RBM28: variants seen among roughly 807,000 people sequenced by gnomAD.
RBM28 encodes the protein RNA-binding protein 28.
In RBM28, 78 loss-of-function variants were observed where a neutral mutation model predicts 98.3. The ratio of observed to expected loss-of-function variants is 0.79; its 90% CI spans 0.66 to 0.96. The LOEUF is 0.96. Ranked by LOEUF, RBM28 falls within the 40% of genes least tolerant of loss-of-function variation. The pLI is 0.00. For synonymous variants in RBM28, 306 were observed against 330.9 expected (o/e 0.92, Z 0.82); for missense variants, 838 against 913.0 (o/e 0.92, Z 1.06).
At chr7:128,342,273 TA>T (rs1301096670) in intron 1 of RBM28, among the ~76,000 whole-genome samples, 1 of 152,242 alleles carries the variant, frequency 6.6e-6, no homozygotes, top group Admixed American at 6.5e-5. Flanking sequence ...GTCCCTATTT[TA>T]AGTACATAAG....
At position 128,297,834 on chromosome 7, in the gene RBM28, G is replaced by A. The variant is rs1301381242; in HGVS notation, c.*12963C>T. 6.6e-6 allele frequency: 1 copy of A among 151,760 alleles called. No homozygotes were observed. The highest frequency in any genetic ancestry group is 1.5e-5 in the Non-Finnish European group (1 of 67,964). 9.4% of individuals were successfully genotyped at this position (151,760 alleles called of 1,614,324 possible). A position where few individuals can be genotyped will look rare whatever the true frequency, so the allele number is the denominator to read the frequency against. ...AAAAAATGATGAGTTCATGTCCTTTGTAGGGACACGGATGAAATTGAAAAT... is the reference window on the plus strand; with the variant it reads ...AAAAAATGATGAGTTCATGTCCTTTATAGGGACACGGATGAAATTGAAAAT... On this transcript the variant is annotated 3_prime_UTR_variant, in exon 19 of 19. Transcript: ENST00000223073.
chr7:128,303,348 G>GACTAGGTGGTGACATC lies in RBM28; in HGVS notation c.*7433_*7448dup, dbSNP rs1464886851. 6.6e-6 allele frequency: 1 copy of GACTAGGTGGTGACATC among 152,190 alleles called. No homozygotes were observed. Among genetic ancestry groups the GACTAGGTGGTGACATC allele is most frequent in the African/African-American group, 2.4e-5 (1 of 41,434 alleles). The allele number at this position is 152,190 out of a possible 1,614,324, so 9.4% of individuals were successfully genotyped here. On this transcript the variant is annotated 3_prime_UTR_variant, in exon 19 of 19. Transcript: ENST00000223073. ...CACATCCTGCTTTCATCAGCTCTAA[G>GACTAGGTGGTGACATC]ACTAGGTGGTGACATCTGCTTCTCA...
rs1387402576 is a variant in RBM28, at chr7:128,339,649, C to T, written c.261G>A (p.Lys87=). The stretch of plus-strand genomic sequence containing the variant: ...GAAACTCACCATTTTTCCCCTTTTC[C>T]TTTGTCTTGTTCCTCAGTTTTTTCT... ...VAKKKLRNKT[K]EKGKNENSEC... Residue 87 remains lysine (K), a synonymous_variant, in exon 2 of 19, where the codon AAG becomes AAA. Transcript: ENST00000223073. 1 of 1,614,078 alleles carries T rather than the reference C, an allele frequency of 6.2e-7. No homozygotes were observed. The highest frequency in any genetic ancestry group is 1.1e-5 in the South Asian group (1 of 91,078).
intron 1 of RBM28, among the ~76,000 whole-genome samples, chr7:128,343,397 A>G (rs1243957583): frequency 2.0e-5 from 3 of 152,220 alleles, no homozygotes; most frequent in Non-Finnish European, 4.4e-5. Flanking sequence ...CCTGCCAATC[A>G]GGTGACTCTC....
chr7:128,300,845 C>G lies in RBM28; in HGVS notation c.*9952G>C, dbSNP rs1289988271. 6.6e-6 allele frequency: 1 copy of G among 152,454 alleles called. No homozygotes were observed. The highest frequency in any genetic ancestry group is 1.9e-4 in the East Asian group (1 of 5,186). The allele number at this position is 152,454 out of a possible 1,614,324, so 9.4% of individuals were successfully genotyped here. Reference sequence around the variant, plus strand: ...GCTCTGGAAAAGGAGGAACAGGGACCTGGGTGCCATCTCTTCACAGCGCTC... The same window carrying G: ...GCTCTGGAAAAGGAGGAACAGGGACGTGGGTGCCATCTCTTCACAGCGCTC... On this transcript the variant is annotated 3_prime_UTR_variant, in exon 19 of 19. Coordinates refer to ENST00000223073, the MANE Select transcript of RBM28 (RefSeq NM_018077.3).
intron 11 of RBM28, 34 bp from the exon 12 acceptor site, chr7:128,324,728 T>G: frequency 1.9e-6 from 3 of 1,613,748 alleles, no homozygotes; most frequent in Non-Finnish European, 2.5e-6. Context: ...TTAAAACACA[T>G]AATGGCCGGG....
At chr7:128,315,845 T>C (rs968900782) in intron 16 of RBM28, among the ~76,000 whole-genome samples, 3 of 152,066 alleles carry the variant, frequency 2.0e-5, no homozygotes, top group African/African-American at 7.2e-5. Context: ...AAATGCGAAA[T>C]AATCTCTTCA....
chr7:128,335,919 AC>A lies in RBM28; in HGVS notation c.736del (p.Val246PhefsTer12), dbSNP rs776839741. The stretch of plus-strand genomic sequence containing the variant: ...TTCCTCTTCATCTTCATCATCAAAA[AC>A]CCCATCTTCTTCATCATCATCATCG... ...DDDDDDEEDG[V>X]FDDEDEEEEN... On this transcript the variant is annotated frameshift_variant, in exon 7 of 19. Coordinates refer to ENST00000223073, the MANE Select transcript of RBM28 (RefSeq NM_018077.3). LOFTEE classifies it high-confidence loss of function. The A allele has an allele frequency of 6.2e-7, 1 of 1,610,344 alleles. No individual in the cohort carries two copies. The highest frequency in any genetic ancestry group is 1.1e-5 in the South Asian group (1 of 90,970).
Position 128,318,047 on chromosome 7 carries a change from G to A in RBM28, c.1623C>T (p.Gly541=). 1 of 1,614,010 alleles carries A rather than the reference G, an allele frequency of 6.2e-7. No homozygotes were observed. The highest frequency in any genetic ancestry group is 8.5e-7 in the Non-Finnish European group (1 of 1,179,842). ...GCTCTTGGAACTCCGCAAAGGCGTAGCCCAGGGACTGACCCTTCATGTTCC... is the reference window on the plus strand; with the variant it reads ...GCTCTTGGAACTCCGCAAAGGCGTAACCCAGGGACTGACCCTTCATGTTCC... ...VHGNMKGQSL[G]YAFAEFQEHE... Residue 541 remains glycine, a synonymous_variant, in exon 15 of 19, where the codon GGC becomes GGT. Transcript: ENST00000223073.
chr7:128,343,788 G>A lies in RBM28; in HGVS notation c.6C>T (p.Ala2=). Residue 2 remains alanine, a synonymous_variant, in exon 1 of 19, where the codon GCC becomes GCT. Transcript: ENST00000223073. ...GGCGGCCCACAAATAAGGTCAGGCCGGCCATGAGACCGGGAAACCCAAAGC... is the reference window on the plus strand; with the variant it reads ...GGCGGCCCACAAATAAGGTCAGGCCAGCCATGAGACCGGGAAACCCAAAGC... The part of the protein sequence containing the change: M[A]GLTLFVGRLP... The A allele has an allele frequency of 6.3e-7, 1 of 1,597,334 alleles. No individual in the cohort carries two copies. Among genetic ancestry groups the A allele is most frequent in the East Asian group, 2.3e-5 (1 of 43,696 alleles).
intron 10 of RBM28, 112 bp from the exon 11 acceptor site, chr7:128,326,003 T>C (rs1027406596): frequency 6.9e-6 from 6 of 865,622 alleles, no homozygotes; most frequent in Non-Finnish European, 1.2e-5. Flanking sequence ...GTGGCATCCA[T>C]TTATTAAGTA....
At chr7:128,326,020 T>C (rs1025907242) in intron 10 of RBM28, 129 bp from the exon 11 acceptor site, 4 of 772,226 alleles carry the variant, frequency 5.2e-6, no homozygotes, top group Non-Finnish European at 9.2e-6. Flanking sequence ...AGTACAGCCA[T>C]GTAGCCGGGT....
rs966705533 is a variant in RBM28, at chr7:128,306,600, C to T, written c.*4197G>A. On this transcript the variant is annotated 3_prime_UTR_variant, in exon 19 of 19. Transcript: ENST00000223073. ...TCCAGGGAAGGAAACTGTGGGATGA[C>T]ACTGTGGCAGTGAAGTCTCACATCT... 2 of 152,178 alleles carry T rather than the reference C, an allele frequency of 1.3e-5. No individual in the cohort carries two copies. The highest frequency in any genetic ancestry group is 4.8e-5 in the African/African-American group (2 of 41,448). 9.4% of individuals were successfully genotyped at this position (152,178 alleles called of 1,614,324 possible). A position where few individuals can be genotyped will look rare whatever the true frequency, so the allele number is the denominator to read the frequency against.
rs1796645571 is a variant in RBM28 at position 128,338,283 on chromosome 7, C to T, written c.508G>A (p.Ala170Thr). The T allele has an allele frequency of 6.2e-7, 1 of 1,614,154 alleles. No individual in the cohort carries two copies. Among genetic ancestry groups the T allele is most frequent in the Non-Finnish European group, 8.5e-7 (1 of 1,180,002 alleles). The change falls in exon 5 of 19, where the codon GCT becomes ACT. Residue 170 changes from alanine to threonine, a missense_variant. By Grantham distance (58) the Ala-to-Thr change is moderately conservative (BLOSUM62 0). Coordinates refer to ENST00000223073, the MANE Select transcript of RBM28 (RefSeq NM_018077.3). ...TCTTTCATGTTCATGCCTTTGAGAG[C>T]TTTACCTGCTTCTAGGAGGTTTTTG... ...QFKNLLEAGK[A>T]LKGMNMKEIK... is the part of the protein sequence containing the mutation.
At chr7:128,317,922 T>G in intron 15 of RBM28, 35 bp downstream of exon 15, 1 of 1,612,738 alleles carries the variant, frequency 6.2e-7, no homozygotes, top group Non-Finnish European at 8.5e-7. Flanking sequence ...CAAGTGGTCC[T>G]AAGGGAACAA....
intron 1 of RBM28, chr7:128,341,226 A>T (rs1487843607): frequency 2.0e-5 from 25 of 1,256,234 alleles, no homozygotes; most frequent in Non-Finnish European, 2.6e-5. Flanking sequence ...TAAACTGGTT[A>T]AAGCAACATA....
rs117993322 is a variant in RBM28 at position 128,302,990 on chromosome 7, C to T, written c.*7807G>A. 3,328 of 152,388 alleles carry T rather than the reference C, an allele frequency of 0.022. 56 individuals carry two copies. Among genetic ancestry groups the T allele is most frequent in the Middle Eastern group, 0.044 (13 of 296 alleles). 9.4% of individuals were successfully genotyped at this position (152,388 alleles called of 1,614,324 possible). On this transcript the variant is annotated 3_prime_UTR_variant, in exon 19 of 19. Coordinates refer to ENST00000223073, the MANE Select transcript of RBM28 (RefSeq NM_018077.3). ...TGTTGCCCAGGCTGGTCCTGAACTC[C>T]TGGCCTCAAGGGATCCTCCCATCTC...
chr7:128,339,920 A>G (rs923837502), intron 1 of RBM28, 129 bp from the exon 2 acceptor site: 30 of 1,125,852 alleles, frequency 2.7e-5, no homozygotes, highest in Admixed American at 2.0e-4. Flanking sequence ...CCATCTTGCT[A>G]TCAGTTTGCC....
At position 128,325,880 on chromosome 7, in the gene RBM28, C is replaced by T. The variant is rs765876024; in HGVS notation, c.1141G>A (p.Ala381Thr). 1.9e-6 allele frequency: 3 copies of T among 1,613,498 alleles called. No individual in the cohort carries two copies. The highest frequency in any genetic ancestry group is 2.5e-6 in the Non-Finnish European group (3 of 1,179,692). Residue 381 changes from alanine to threonine, a missense_variant, in exon 11 of 19, where the codon GCC becomes ACC. Coordinates refer to ENST00000223073, the MANE Select transcript of RBM28 (RefSeq NM_018077.3). ...GCTGCTTCTTGAGTCATGAACTGGG[C>T]AAATGCACAACCTGCACAAGGAGAC... ...DTEHSKGCAF[A>T]QFMTQEAAQK... is the part of the protein sequence containing the mutation.
Sources: allele counts gnomAD v4.1 joint callset (sites outside exome capture counted in the v4.1 genomes callset), GRCh38; gene constraint gnomAD v4.1.1; transcripts MANE v1.5; gene names NCBI Gene and HGNC (gene_info 2026-07-23, HGNC 2026-07-21).